The following FANCM variants were observed in gnomAD, a reference collection of about 807,000 sequenced individuals.
The protein encoded by FANCM is FA complementation group M, also known as Fanconi anemia group M protein.
FANCM carries 140 observed loss-of-function variants against 199.5 expected under a neutral mutation model. The observed-to-expected ratio is 0.70, with a 90% CI of 0.61 to 0.81. The LOEUF is 0.81. Among genes scored for constraint, FANCM ranks in the 30% least tolerant of loss-of-function variants. The pLI, the probability that FANCM is intolerant of heterozygous loss-of-function variation, is 0.00. For synonymous variants in FANCM, 840 were observed against 836.8 expected, an observed-to-expected ratio of 1.00 and a Z score of -0.07; for missense variants, 2,410 against 2,421.4, an observed-to-expected ratio of 1.00 and a Z score of 0.10.
At chr14:45,164,632 T>C in intron 10 of FANCM, 67 bp downstream of exon 10, 1 of 1,224,544 alleles carries the variant, frequency 8.2e-7, no homozygotes, top group South Asian at 1.3e-5. Context: ...AAGGTGAATA[T>C]CAACATGTTA....
In FANCM at chr14:45,136,098, C is replaced by T. The variant is rs1366518494; in HGVS notation, c.67C>T (p.Pro23Ser). The T allele has an allele frequency of 1.2e-6, 2 of 1,614,018 alleles. No homozygotes were observed. The highest frequency in any genetic ancestry group is 2.2e-5 in the East Asian group (1 of 44,902). The part of the protein sequence containing the change: ...GSSISRSSGT[P>S]GCSSGTERPQ... Reference sequence around the variant, plus strand: ...AAGTATCTCCCGATCATCTGGGACTCCGGGTTGCAGCTCCGGAACTGAGCG... The same window carrying T: ...AAGTATCTCCCGATCATCTGGGACTTCGGGTTGCAGCTCCGGAACTGAGCG... The change falls in exon 1 of 23, where the codon CCG becomes TCG. Residue 23 changes from proline (P) to serine (S), a missense_variant. Pro to Ser is a moderately conservative substitution (Grantham distance 74). Transcript: ENST00000267430.
chr14:45,170,782 C>T (rs78410784), intron 12 of FANCM, 36 bp downstream of exon 12: 8 of 1,575,588 alleles, frequency 5.1e-6, no homozygotes, highest in Non-Finnish European at 7.0e-6. Context: ...TCTTTTCCCC[C>T]CCCTCATTTT....
At chr14:45,198,148 G>A (rs956729957) in intron 21 of FANCM, among the ~76,000 whole-genome samples, 2 of 152,158 alleles carry the variant, frequency 1.3e-5, no homozygotes, top group Middle Eastern at 3.4e-3. Flanking sequence ...GAAAAGTATC[G>A]GGGGCCATAA....
chr14:45,176,179 C>T lies in FANCM; in HGVS notation c.3425C>T (p.Thr1142Ile), dbSNP rs1211562927. The T allele has an allele frequency of 1.9e-6, 3 of 1,614,068 alleles. No homozygotes were observed. The East Asian group carries it at 6.7e-5, about 36-fold the overall frequency. The change falls in exon 14 of 23, where the codon ACA becomes ATA. Residue 1142 changes from threonine (T) to isoleucine (I), a missense_variant. Coordinates refer to ENST00000267430, the MANE Select transcript of FANCM (RefSeq NM_020937.4). The stretch of plus-strand genomic sequence containing the variant: ...TTGCTGTTATTTGAAGATGTTAATA[C>T]AGAGTTCGACGATGTGAGTCTTTCA... Reference protein sequence around the residue: ...ESLLLFEDVNTEFDDVSLSPL... With the variant: ...ESLLLFEDVNIEFDDVSLSPL...
At chr14:45,189,545 T>C (rs1247889516) in intron 20 of FANCM, among the ~76,000 whole-genome samples, 183 bp downstream of exon 20, 1 of 152,192 alleles carries the variant, frequency 6.6e-6, no homozygotes, top group Non-Finnish European at 1.5e-5. Flanking sequence ...CACAGGGTGC[T>C]TAGGTTTTAA....
At chr14:45,195,489 A>G (rs936130402) in intron 20 of FANCM, 3 of 454,566 alleles carry the variant, frequency 6.6e-6, no homozygotes, top group African/African-American at 6.0e-5. Flanking sequence ...AGAGGTTCGG[A>G]CATCTAGCAC....
intron 5 of FANCM, among the ~76,000 whole-genome samples, chr14:45,153,586 A>G (rs1886969816): frequency 6.6e-6 from 1 of 152,186 alleles, no homozygotes; most frequent in Admixed American, 6.5e-5. Flanking sequence ...AAATATATCT[A>G]TATACTGCCA....
At chr14:45,188,775 T>C in intron 19 of FANCM, 27 bp from the exon 20 acceptor site, 2 of 1,498,016 alleles carry the variant, frequency 1.3e-6, no homozygotes, top group East Asian at 2.3e-5. Context: ...GAAATAAATA[T>C]AAAACATTCT....
chr14:45,139,476 C>T (rs888915709), intron 2 of FANCM, among the ~76,000 whole-genome samples: 1 of 152,112 alleles, frequency 6.6e-6, no homozygotes, highest in Non-Finnish European at 1.5e-5. Flanking sequence ...CTTGGAAGTG[C>T]ATTTTCCTCT....
chr14:45,166,844 G>T (rs1010639776), intron 10 of FANCM, 106 bp from the exon 11 acceptor site: 2 of 727,604 alleles, frequency 2.7e-6, no homozygotes, highest in South Asian at 1.7e-5. Context: ...GTGGATCGGG[G>T]TTTAATTTTA....
chr14:45,167,428 GA>G, intron 11 of FANCM: 1 of 412,208 alleles, frequency 2.4e-6, no homozygotes, highest in Non-Finnish European at 4.4e-6. Context: ...GTTTAGAAAA[GA>G]AAGAAAACAG....
In FANCM at chr14:45,196,400, G is replaced by T; in HGVS notation, c.5569G>T (p.Val1857Leu). The change falls in exon 21 of 23, where the codon GTG (valine) becomes TTG (leucine). Residue 1857 changes from valine (V) to leucine (L), a missense_variant. Physicochemically the swap from Val to Leu is conservative, Grantham distance 32. Transcript: ENST00000267430. ...VCPLNGCDYI[V>L]SNRMVVERRS... ...TCCTCTTAATGGCTGTGATTACATC[G>T]TGAGTAATCGCATGGTGGTGGAAAG... 1.2e-6 allele frequency: 2 copies of T among 1,614,026 alleles called. No individual in the cohort carries two copies. Among genetic ancestry groups the T allele is most frequent in the Non-Finnish European group, 1.7e-6 (2 of 1,179,938 alleles).
At chr14:45,151,569 T>C in intron 5 of FANCM, 41 bp downstream of exon 5, 2 of 1,564,848 alleles carry the variant, frequency 1.3e-6, no homozygotes, top group Non-Finnish European at 1.8e-6. Flanking sequence ...GATTAAATTT[T>C]CACTGAAAGC....
chr14:45,167,444 A>ATTC (rs1042044011), intron 11 of FANCM: 8 of 376,936 alleles, frequency 2.1e-5, no homozygotes, highest in Non-Finnish European at 3.9e-5. Flanking sequence ...AAACAGTTTT[A>ATTC]TTTTTTAATA....
chr14:45,182,036 A>G (rs1889106533), intron 16 of FANCM, among the ~76,000 whole-genome samples: 1 of 152,264 alleles, frequency 6.6e-6, no homozygotes, highest in African/African-American at 2.4e-5. Context: ...ACTCTCAAGA[A>G]TATATCCTAA....
chr14:45,166,836 G>T, intron 10 of FANCM, 114 bp from the exon 11 acceptor site: 1 of 690,628 alleles, frequency 1.4e-6, no homozygotes, highest in Admixed American at 2.7e-5. Flanking sequence ...GTATTTAAGT[G>T]GATCGGGGTT....
intron 14 of FANCM, among the ~76,000 whole-genome samples, chr14:45,179,891 T>A (rs189801506): frequency 6.6e-6 from 1 of 152,240 alleles, no homozygotes; most frequent in African/African-American, 2.4e-5. Flanking sequence ...ACTGCAATGA[T>A]GCCAAATTTT....
At chr14:45,177,103 A>G in intron 14 of FANCM, 127 bp downstream of exon 14, 2 of 638,630 alleles carry the variant, frequency 3.1e-6, no homozygotes, top group Non-Finnish European at 5.5e-6. Context: ...TAGATAATTG[A>G]TGTGTTATAT....
chr14:45,189,365 A>G lies in FANCM; in HGVS notation c.5340+3A>G. 7.5e-6 allele frequency: 12 copies of G among 1,599,966 alleles called. No individual in the cohort carries two copies. The highest frequency in any genetic ancestry group is 9.4e-6 in the Non-Finnish European group (11 of 1,167,232). ...GAAAATTTCCAGTTCCACAGAAGGT[A>G]TGGATCAAAGAAAGGAAAAATATCT... On this transcript the variant is annotated splice_donor_region_variant and intron_variant, in intron 20 of 22. Transcript: ENST00000267430.
Sources: gnomAD v4.1 joint callset for allele counts (sites outside exome capture counted in the v4.1 genomes callset) on GRCh38, gnomAD v4.1.1 for gene constraint, MANE v1.5 for transcripts, NCBI Gene and HGNC (gene_info 2026-07-23, HGNC 2026-07-21) for gene names.